The following MFAP5 variants were observed in gnomAD, a reference collection of about 807,000 sequenced individuals.
The protein encoded by MFAP5 is microfibril associated protein 5, also known as microfibrillar-associated protein 5.
Under a neutral mutation model 30.1 loss-of-function variants are expected in MFAP5, and 19 were observed. That is an observed-to-expected ratio of 0.63 (90% CI 0.44 to 0.93). The LOEUF is 0.93. MFAP5 is among the 40% of genes least tolerant of loss of function. MFAP5 has a pLI of 0.00. For missense variants in MFAP5, 210 were observed against 221.3 expected (o/e 0.95, Z 0.32); for synonymous variants, 92 against 72.9 (o/e 1.26, Z -1.33).
chr12:8,654,073 C>T (rs77112799), intron 6 of MFAP5, among the ~76,000 whole-genome samples: 11 of 145,142 alleles, frequency 7.6e-5, no homozygotes, highest in Admixed American at 2.2e-4. Context: ...CCGCAGTGAG[C>T]GGAGATCGCG....
At chr12:8,655,088 G>A (rs1174943322) in intron 5 of MFAP5, among the ~76,000 whole-genome samples, 1 of 152,090 alleles carries the variant, frequency 6.6e-6, no homozygotes, top group Non-Finnish European at 1.5e-5. Context: ...GACCAGCTCG[G>A]CCAACATGGT....
At chr12:8,661,263 A>G (rs1415332605) in intron 2 of MFAP5, among the ~76,000 whole-genome samples, 1 of 152,102 alleles carries the variant, frequency 6.6e-6, no homozygotes, top group Non-Finnish European at 1.5e-5. Context: ...CCCGCTAGCT[A>G]TGCTAGTGAA....
intron 1 of MFAP5, 48 bp downstream of exon 1, chr12:8,662,579 A>ACACATTCC (rs1246325595): frequency 1.2e-5 from 2 of 165,496 alleles, no homozygotes; most frequent in Non-Finnish European, 2.6e-5. Flanking sequence ...ACAGACATAC[A>ACACATTCC]CACATTCCCT....
Position 8,654,949 on chromosome 12 carries a change from A to G in MFAP5, c.172+466T>C, listed in dbSNP as rs144042219. Among the ~76,000 whole-genome samples, 940 of 151,948 alleles carry G rather than the reference A, an allele frequency of 6.2e-3. 13 individuals are homozygous for G. The highest frequency in any genetic ancestry group is 0.021 in the African/African-American group (868 of 41,400). On this transcript the variant is annotated intron_variant, in intron 5 of 9. Coordinates refer to ENST00000359478, the MANE Select transcript of MFAP5 (RefSeq NM_003480.4). ...GAGCTAGACTCTGTCTCAAAAAAAA[A>G]AAAAAAAAATTAGCACTGTCACTGA... is the stretch of plus-strand genomic sequence containing the variant.
rs34739708 is a variant in MFAP5, at chr12:8,654,940, C to CA, written c.173-460dup. 6.3e-3 allele frequency among the ~76,000 whole-genome samples: 722 copies of CA among 114,606 alleles called. 4 individuals are homozygous for CA. Among genetic ancestry groups the CA allele is most frequent in the Middle Eastern group, 0.016 (3 of 186 alleles). 75.2% of individuals were successfully genotyped at this position (114,606 alleles called of 152,430 possible). ...TGGGCTACAGAGCTAGACTCTGTCT[C>CA]AAAAAAAAAAAAAAAAAATTAGCAC... On this transcript the variant is annotated intron_variant, in intron 5 of 9. Transcript: ENST00000359478.
rs768254778 is a variant in MFAP5, at chr12:8,659,324, T to A, written c.94+1539A>T. 9.4e-4 allele frequency among the ~76,000 whole-genome samples: 134 copies of A among 142,658 alleles called. 1 individual carries two copies. Among genetic ancestry groups the A allele is most frequent in the East Asian group, 6.9e-3 (34 of 4,896 alleles). 93.6% of individuals were successfully genotyped at this position (142,658 alleles called of 152,430 possible). A position where few individuals can be genotyped will look rare whatever the true frequency, so the allele number is the denominator to read the frequency against. On this transcript the variant is annotated intron_variant, in intron 3 of 9. Coordinates refer to ENST00000359478, the MANE Select transcript of MFAP5 (RefSeq NM_003480.4). ...ACTCTGTCTCGAAAAAAAAAAAAAA[T>A]AAAAGGGTCTCACTATATTGCCCAG...
intron 2 of MFAP5, among the ~76,000 whole-genome samples, chr12:8,661,452 A>G (rs1189195393): frequency 6.6e-6 from 1 of 152,054 alleles, no homozygotes; most frequent in Non-Finnish European, 1.5e-5. Context: ...TTTTGCATGC[A>G]TGTGAGTATA....
At chr12:8,651,382 A>G (rs1941833569) in intron 7 of MFAP5, among the ~76,000 whole-genome samples, 1 of 152,180 alleles carries the variant, frequency 6.6e-6, no homozygotes, top group East Asian at 1.9e-4. Flanking sequence ...AATTGATTTC[A>G]CTTCCCAATC....
chr12:8,647,355 C>T lies in MFAP5; in HGVS notation c.*736G>A, dbSNP rs931279430. 2 of 152,220 alleles carry T rather than the reference C, an allele frequency of 1.3e-5. No individual in the cohort carries two copies. Among genetic ancestry groups the T allele is most frequent in the African/African-American group, 4.8e-5 (2 of 41,454 alleles). The allele number at this position is 152,220 out of a possible 1,614,324, so 9.4% of individuals were successfully genotyped here. A position where few individuals can be genotyped will look rare whatever the true frequency, so the allele number is the denominator to read the frequency against. ...CAGTAAATGAGACTTAGTTTCCAAC[C>T]TTACTTCCCGACTAGACAACTGCAT... On this transcript the variant is annotated 3_prime_UTR_variant, in exon 10 of 10. Transcript: ENST00000359478.
chr12:8,654,327 T>G, intron 6 of MFAP5, 110 bp downstream of exon 6: 1 of 1,069,748 alleles, frequency 9.3e-7, no homozygotes, highest in Non-Finnish European at 1.4e-6. Context: ...CTCCATAAAC[T>G]GTCATCCTGT....
At position 8,655,396 on chromosome 12, in the gene MFAP5, T is replaced by A; in HGVS notation, c.172+19A>T. On this transcript the variant is annotated intron_variant, in intron 5 of 9. Transcript: ENST00000359478. Reference sequence around the variant, plus strand: ...AACAAGAACCATGCCATTTTTTTTTTAACTGCGGTAAAATTTACCTGTTTC... The same window carrying A: ...AACAAGAACCATGCCATTTTTTTTTAAACTGCGGTAAAATTTACCTGTTTC... 2 of 1,580,240 alleles carry A rather than the reference T, an allele frequency of 1.3e-6. No homozygotes were observed. The highest frequency in any genetic ancestry group is 1.8e-5 in the Admixed American group (1 of 55,236).
chr12:8,649,416 CA>C, intron 9 of MFAP5, 84 bp downstream of exon 9: 1 of 1,278,492 alleles, frequency 7.8e-7, no homozygotes, highest in South Asian at 1.2e-5. Flanking sequence ...CCTCTAGTAC[CA>C]GACTTTGGAT....
At position 8,648,686 on chromosome 12, in the gene MFAP5, C is replaced by T. The variant is rs78107407; in HGVS notation, c.410-483G>A. The T allele has an allele frequency of 5.9e-3, 2,143 of 363,952 alleles. 52 individuals are homozygous for T. The highest frequency in any genetic ancestry group is 0.043 in the African/African-American group (1,955 of 45,976). The allele number at this position is 363,952 out of a possible 1,614,324, so 22.5% of individuals were successfully genotyped here. On this transcript the variant is annotated intron_variant, in intron 9 of 9. Transcript: ENST00000359478. ...AGAGTCCCAAATACCCATCCTCAAT[C>T]TCAAGGTGCTTCCCTTGCAGGTGGC...
chr12:8,656,649 C>CACACAT (rs1265607160), intron 3 of MFAP5, among the ~76,000 whole-genome samples: 1 of 109,076 alleles, frequency 9.2e-6, no homozygotes, highest in South Asian at 2.9e-4. Context: ...CACACACACA[C>CACACAT]ATATATATAT....
At chr12:8,658,274 C>T (rs1942057354) in intron 3 of MFAP5, among the ~76,000 whole-genome samples, 3 of 152,094 alleles carry the variant, frequency 2.0e-5, no homozygotes, top group Admixed American at 2.0e-4. Context: ...GAATTGAACT[C>T]AGGAGGCGGA....
intron 6 of MFAP5, among the ~76,000 whole-genome samples, chr12:8,654,105 G>A (rs1045877144): frequency 8.2e-5 from 11 of 133,952 alleles, no homozygotes; most frequent in Non-Finnish European, 1.1e-4. Context: ...CAGCCTGGAC[G>A]ACAAGAGCAA....
rs1390332398 is a variant in MFAP5, at chr12:8,650,510, G to A, written c.327C>T (p.Cys109=). 4 of 1,613,972 alleles carry A rather than the reference G, an allele frequency of 2.5e-6. No homozygotes were observed. The highest frequency in any genetic ancestry group is 3.4e-6 in the Non-Finnish European group (4 of 1,179,880). ...RPVKQCIHQL[C]FTSLRRMYIV... ...ATTCTGGGATCCCTTACCTGGTGAAGCATAACTGATGAATGCATTGTTTAA... is the reference window on the plus strand; with the variant it reads ...ATTCTGGGATCCCTTACCTGGTGAAACATAACTGATGAATGCATTGTTTAA... The change falls in exon 8 of 10, where the codon TGC becomes TGT. Residue 109 remains cysteine (C), a synonymous_variant. Coordinates refer to ENST00000359478, the MANE Select transcript of MFAP5 (RefSeq NM_003480.4).
chr12:8,656,668 A>ATATTTTTTT (rs1174790172), intron 3 of MFAP5, among the ~76,000 whole-genome samples: 5 of 118,804 alleles, frequency 4.2e-5, no homozygotes, highest in African/African-American at 1.8e-4. Context: ...ATATATATAT[A>ATATTTTTTT]TTTTTTTTTT....
intron 3 of MFAP5, among the ~76,000 whole-genome samples, chr12:8,659,298 A>C (rs1359648602): frequency 2.6e-5 from 4 of 151,174 alleles, no homozygotes; most frequent in Non-Finnish European, 5.9e-5. Flanking sequence ...ACAAGAGCGA[A>C]ACTCTGTCTC....
Sources: allele counts gnomAD v4.1 joint callset (sites outside exome capture counted in the v4.1 genomes callset), GRCh38; gene constraint gnomAD v4.1.1; transcripts MANE v1.5; gene names NCBI Gene and HGNC (gene_info 2026-07-23, HGNC 2026-07-21).